The following FCHSD2 variants were observed in gnomAD, a reference collection of about 807,000 sequenced individuals.
FCHSD2 encodes the protein F-BAR and double SH3 domains protein 2.
Under a neutral mutation model 108.1 loss-of-function variants are expected in FCHSD2, and 38 were observed. The ratio of observed to expected loss-of-function variants is 0.35; its 90% CI spans 0.27 to 0.46. The LOEUF is 0.46. FCHSD2 is among the 20% of genes least tolerant of loss of function. FCHSD2 has a pLI of 1.00. For missense variants in FCHSD2, 751 were observed against 897.8 expected (o/e 0.84, Z 2.09); for synonymous variants, 279 against 314.7 (o/e 0.89, Z 1.20).
chr11:73,055,181 C>G (rs1464323073), intron 3 of FCHSD2, among the ~76,000 whole-genome samples: 2 of 151,924 alleles, frequency 1.3e-5, no homozygotes, highest in Non-Finnish European at 2.9e-5. Context: ...GAAAACCACC[C>G]CCATGATTCA....
intron 8 of FCHSD2, among the ~76,000 whole-genome samples, chr11:72,943,684 G>T (rs946827301): frequency 6.6e-6 from 1 of 152,072 alleles, no homozygotes; most frequent in Non-Finnish European, 1.5e-5. Flanking sequence ...AATTATATTG[G>T]CTGTTTTGTT....
At chr11:72,984,325 G>A in intron 7 of FCHSD2, 109 bp from the exon 8 acceptor site, 1 of 938,622 alleles carries the variant, frequency 1.1e-6, no homozygotes, top group Non-Finnish European at 1.7e-6. Flanking sequence ...AAGAATAAAG[G>A]TAACCACGTG....
intron 10 of FCHSD2, among the ~76,000 whole-genome samples, chr11:72,901,599 C>A (rs1855527075): frequency 1.3e-5 from 2 of 151,888 alleles, no homozygotes; most frequent in South Asian, 4.2e-4. Context: ...GTGCACAGCA[C>A]TGGAAATGTA....
At chr11:73,097,396 T>G (rs1432632783) in intron 2 of FCHSD2, among the ~76,000 whole-genome samples, 1 of 151,264 alleles carries the variant, frequency 6.6e-6, no homozygotes, top group Non-Finnish European at 1.5e-5. Context: ...TTTTTTTTTT[T>G]GCATCTCTCT....
At chr11:73,088,302 C>T (rs1051713024) in intron 2 of FCHSD2, among the ~76,000 whole-genome samples, 1 of 152,240 alleles carries the variant, frequency 6.6e-6, no homozygotes, top group South Asian at 2.1e-4. Flanking sequence ...AGGTTTGTAG[C>T]CTAGGAGCAA....
chr11:73,137,486 T>C (rs1324475865), intron 2 of FCHSD2, among the ~76,000 whole-genome samples: 3 of 152,108 alleles, frequency 2.0e-5, no homozygotes, highest in African/African-American at 7.2e-5. Flanking sequence ...ACAGAGTGTA[T>C]ACAGTATCTC....
At chr11:72,980,279 C>G (rs1041685024) in intron 8 of FCHSD2, among the ~76,000 whole-genome samples, 3 of 152,178 alleles carry the variant, frequency 2.0e-5, no homozygotes, top group Non-Finnish European at 4.4e-5. Context: ...AGTAGGCCAT[C>G]TAAGCAGTGT....
chr11:73,125,209 G>T (rs1367101450), intron 2 of FCHSD2, among the ~76,000 whole-genome samples: 1 of 152,238 alleles, frequency 6.6e-6, no homozygotes, highest in Non-Finnish European at 1.5e-5. Flanking sequence ...AGGAAGGAAA[G>T]AAGAGTCAGG....
At chr11:72,892,894 G>A (rs777332733) in intron 10 of FCHSD2, among the ~76,000 whole-genome samples, 3 of 85,826 alleles carry the variant, frequency 3.5e-5, no homozygotes, top group African/African-American at 9.4e-5. Context: ...GTGAGCCACC[G>A]TGCGTGGCTG....
At chr11:73,060,858 G>C (rs1263846230) in intron 3 of FCHSD2, among the ~76,000 whole-genome samples, 1 of 152,146 alleles carries the variant, frequency 6.6e-6, no homozygotes, top group Non-Finnish European at 1.5e-5. Flanking sequence ...CAGTGGGACA[G>C]GGATCAGGAG....
intron 3 of FCHSD2, among the ~76,000 whole-genome samples, chr11:73,082,688 T>C (rs985146961): frequency 6.6e-6 from 1 of 152,180 alleles, no homozygotes; most frequent in Non-Finnish European, 1.5e-5. Flanking sequence ...ATTTACTGTA[T>C]GTTAATTTTT....
In FCHSD2 at chr11:72,887,454, T is replaced by G; in HGVS notation, c.1146+16A>C. Reference sequence around the variant, plus strand: ...ATTAGACCTGGGCAAAATGCCACAATTAGCTGCCACCTTACCTCTGCTTTA... The same window carrying G: ...ATTAGACCTGGGCAAAATGCCACAAGTAGCTGCCACCTTACCTCTGCTTTA... On this transcript the variant is annotated intron_variant, in intron 12 of 19. Coordinates refer to ENST00000409418, the MANE Select transcript of FCHSD2 (RefSeq NM_014824.3). 6.4e-7 allele frequency: 1 copy of G among 1,561,482 alleles called. No homozygotes were observed.
intron 8 of FCHSD2, among the ~76,000 whole-genome samples, chr11:72,951,479 G>A (rs1184585908): frequency 6.6e-6 from 1 of 152,176 alleles, no homozygotes. Context: ...CTTACTACAA[G>A]GCTTGGCATT....
chr11:73,054,722 C>A (rs1347225658), intron 3 of FCHSD2, among the ~76,000 whole-genome samples: 1 of 152,056 alleles, frequency 6.6e-6, no homozygotes, highest in Non-Finnish European at 1.5e-5. Context: ...GTCACCCAGG[C>A]TGAAGTGCAG....
intron 2 of FCHSD2, among the ~76,000 whole-genome samples, chr11:73,088,192 A>G (rs1410300582): frequency 6.6e-6 from 1 of 152,084 alleles, no homozygotes; most frequent in African/African-American, 2.4e-5. Context: ...CTTTCATACC[A>G]TATTTTTGTT....
intron 8 of FCHSD2, among the ~76,000 whole-genome samples, chr11:72,948,000 G>A (rs1346812419): frequency 6.6e-6 from 1 of 151,874 alleles, no homozygotes; most frequent in African/African-American, 2.4e-5. Flanking sequence ...TACATTTTTT[G>A]TTTGTCTGTT....
chr11:73,098,091 T>C (rs1249990119), intron 2 of FCHSD2, among the ~76,000 whole-genome samples: 1 of 152,210 alleles, frequency 6.6e-6, no homozygotes, highest in Non-Finnish European at 1.5e-5. Flanking sequence ...CTAACCTTTA[T>C]TATTTTTCCT....
At position 72,852,277 on chromosome 11, in the gene FCHSD2, T is replaced by C. The variant is rs147653683; in HGVS notation, c.1309-2388A>G. 1.1e-4 allele frequency among the ~76,000 whole-genome samples: 17 copies of C among 151,846 alleles called. No homozygotes were observed. The East Asian group carries it at 3.1e-3, about 28-fold the overall frequency. Reference sequence around the variant, plus strand: ...GACGCTTATACACTGCTGGTGGGAGTATAAATTAGTTCAGCCACTGTGGAA... The same window carrying C: ...GACGCTTATACACTGCTGGTGGGAGCATAAATTAGTTCAGCCACTGTGGAA... On this transcript the variant is annotated intron_variant, in intron 13 of 19. Transcript: ENST00000409418.
At chr11:72,854,809 T>C (rs114000235) in intron 13 of FCHSD2, among the ~76,000 whole-genome samples, 1,735 of 152,330 alleles carry the variant, frequency 0.011, 29 homozygotes, top group African/African-American at 0.04. Flanking sequence ...TATTGCTTAA[T>C]GGCCAGAAAG....
Sources: allele counts gnomAD v4.1 joint callset (sites outside exome capture counted in the v4.1 genomes callset), GRCh38; gene constraint gnomAD v4.1.1; transcripts MANE v1.5; gene names NCBI Gene and HGNC (gene_info 2026-07-23, HGNC 2026-07-21).